RLN2: variants seen among roughly 807,000 people sequenced by gnomAD.
RLN2 encodes the protein prorelaxin H2.
Under a neutral mutation model 7.3 loss-of-function variants are expected in RLN2, and 10 were observed. The ratio of observed to expected loss-of-function variants is 1.36; its 90% CI spans 0.84 to 2.31. The LOEUF is 2.31. Among genes scored for constraint, RLN2 ranks in the 30% most tolerant of loss-of-function variants. The pLI is 0.00. For synonymous variants in RLN2, 103 were observed against 82.3 expected (o/e 1.25, Z -1.36); for missense variants, 298 against 217.6 (o/e 1.37, Z -2.32).
chr9:5,305,398 C>G (rs1237351027), upstream of RLN2, among the ~76,000 whole-genome samples: 2 of 138,284 alleles, frequency 1.4e-5, no homozygotes, highest in African/African-American at 6.2e-5. Flanking sequence ...CACACACACA[C>G]ACACAGAGAG....
At chr9:5,326,444 C>A in the RLN2 span, among the ~76,000 whole-genome samples, 3 of 152,226 alleles carry the variant, frequency 2.0e-5, no homozygotes, top group African/African-American at 7.2e-5. Flanking sequence ...CCTAAACTCA[C>A]TGTCTCCCCA....
At chr9:5,321,011 T>G in the RLN2 span, among the ~76,000 whole-genome samples, 1 of 152,104 alleles carries the variant, frequency 6.6e-6, no homozygotes, top group African/African-American at 2.4e-5. Context: ...GATTCTCATC[T>G]TAAAATTATA....
the RLN2 span, chr9:5,335,248 A>G: frequency 1.3e-6 from 2 of 1,564,090 alleles, no homozygotes; most frequent in African/African-American, 1.4e-5. Flanking sequence ...AATTAGCTTC[A>G]TCTCAGCAAT....
At chr9:5,311,804 A>T in the RLN2 span, 8 of 549,604 alleles carry the variant, frequency 1.5e-5, no homozygotes, top group Middle Eastern at 5.2e-4. Context: ...AAAATGCAGA[A>T]TTTTTTTTTT....
At chr9:5,301,688 T>C (rs1816139791) in intron 1 of RLN2, among the ~76,000 whole-genome samples, 1 of 152,220 alleles carries the variant, frequency 6.6e-6, no homozygotes, top group Admixed American at 6.5e-5. Context: ...TAACCACTGA[T>C]GCCTGCTGAT....
At chr9:5,336,182 A>T in the RLN2 span, among the ~76,000 whole-genome samples, 1 of 152,100 alleles carries the variant, frequency 6.6e-6, no homozygotes, top group South Asian at 2.1e-4. Flanking sequence ...TCTATTTAAC[A>T]ATTTGTCTTC....
chr9:5,305,739 A>G (rs1187926960), upstream of RLN2, among the ~76,000 whole-genome samples: 3 of 152,072 alleles, frequency 2.0e-5, no homozygotes, highest in Non-Finnish European at 4.4e-5. Flanking sequence ...CATGCAGGAC[A>G]TTAGGGTAGC....
chr9:5,331,627 T>G, the RLN2 span, among the ~76,000 whole-genome samples: 48 of 114,488 alleles, frequency 4.2e-4, no homozygotes, highest in African/African-American at 1.6e-3. Context: ...TGAGAACACA[T>G]GGACACAGGG....
chr9:5,330,587 A>G, the RLN2 span, among the ~76,000 whole-genome samples: 1 of 149,904 alleles, frequency 6.7e-6, no homozygotes, highest in African/African-American at 2.5e-5. Flanking sequence ...GCAGTGAGCC[A>G]AGATCACACC....
At chr9:5,305,652 T>A (rs1239820207), upstream of RLN2, among the ~76,000 whole-genome samples, 1 of 152,048 alleles carries the variant, frequency 6.6e-6, no homozygotes, top group Non-Finnish European at 1.5e-5. Flanking sequence ...ACAAGTAGGT[T>A]CATTTTTTAA....
chr9:5,335,620 G>T, the RLN2 span: 2 of 1,478,892 alleles, frequency 1.4e-6, no homozygotes, highest in Middle Eastern at 1.8e-4. Flanking sequence ...AAAAAAAAGT[G>T]TATGTGAAGG....
the RLN2 span, among the ~76,000 whole-genome samples, chr9:5,324,483 C>T: frequency 6.6e-6 from 1 of 151,986 alleles, no homozygotes; most frequent in East Asian, 1.9e-4. Flanking sequence ...TGACATAATC[C>T]TATTACCATA....
the RLN2 span, among the ~76,000 whole-genome samples, chr9:5,325,429 T>C: frequency 1.3e-5 from 2 of 152,066 alleles, no homozygotes; most frequent in Non-Finnish European, 2.9e-5. Flanking sequence ...TTGTTTTGCA[T>C]GGCACTCAGA....
In RLN2 at chr9:5,300,464, A is replaced by G. The variant is rs1470502254; in HGVS notation, c.212-20T>C. 3 of 1,538,846 alleles carry G rather than the reference A, an allele frequency of 1.9e-6. No homozygotes were observed. Among genetic ancestry groups the G allele is most frequent in the South Asian group, 2.4e-5 (2 of 85,072 alleles). On this transcript the variant is annotated intron_variant, in intron 1 of 1. Transcript: ENST00000381627. ...CAATTTCTGTTAAATTTAAAAAAAA[A>G]GGTGTATGTGAGGGTATATTCATGT...
the RLN2 span, among the ~76,000 whole-genome samples, chr9:5,315,408 G>GAA: frequency 7.2e-6 from 1 of 139,338 alleles, no homozygotes. Context: ...CAATGAGAAG[G>GAA]AAAAAAAAAA....
chr9:5,300,581 T>G lies in RLN2; in HGVS notation c.212-137A>C. ...AACATTGAAACAAAATAAGCAAGCATCCTAATATCTAAACACTTAGCTTAC... is the reference window on the plus strand; with the variant it reads ...AACATTGAAACAAAATAAGCAAGCAGCCTAATATCTAAACACTTAGCTTAC... On this transcript the variant is annotated intron_variant, in intron 1 of 1. Transcript: ENST00000381627. 7.9e-6 allele frequency: 5 copies of G among 630,346 alleles called. No homozygotes were observed. In the South Asian group the frequency reaches 1.0e-4, roughly 13 times the overall value. The allele number at this position is 630,346 out of a possible 1,614,324, so 39.0% of individuals were successfully genotyped here.
chr9:5,331,527 T>A, the RLN2 span, among the ~76,000 whole-genome samples: 1 of 151,890 alleles, frequency 6.6e-6, no homozygotes, highest in Non-Finnish European at 1.5e-5. Flanking sequence ...GGGACATGGA[T>A]GAAGTTGGAA....
upstream of RLN2, among the ~76,000 whole-genome samples, chr9:5,308,770 A>G (rs1285065330): frequency 6.6e-6 from 1 of 152,012 alleles, no homozygotes; most frequent in Non-Finnish European, 1.5e-5. Flanking sequence ...CTCCTGCAAA[A>G]AACCCTCCAC....
At chr9:5,338,229 C>A in the RLN2 span, among the ~76,000 whole-genome samples, 1 of 75,278 alleles carries the variant, frequency 1.3e-5, no homozygotes, top group Non-Finnish European at 2.6e-5. Context: ...AATAATAAAG[C>A]AAATGCAATG....
Sources: gnomAD v4.1 joint callset for allele counts (sites outside exome capture counted in the v4.1 genomes callset) on GRCh38, gnomAD v4.1.1 for gene constraint, MANE v1.5 for transcripts, NCBI Gene and HGNC (gene_info 2026-07-23, HGNC 2026-07-21) for gene names.